Variants in LAMC2 observed in about 807,000 individuals in gnomAD.
The protein encoded by LAMC2 is laminin subunit gamma 2.
Under a neutral mutation model 140.2 loss-of-function variants are expected in LAMC2, and 97 were observed. The observed-to-expected ratio is 0.69, with a 90% confidence interval of 0.59 to 0.82. The LOEUF (loss-of-function observed/expected upper bound fraction) is 0.82. Ranked by LOEUF, LAMC2 falls within the 40% of genes least tolerant of loss-of-function variation. The probability of loss-of-function intolerance (pLI) is 0.00; values close to 1 mark genes in which losing one functional copy is unlikely to be tolerated. For missense variants in LAMC2, 1,402 were observed against 1,476.1 expected (o/e 0.95, Z 0.82); for synonymous variants, 513 against 540.2 (o/e 0.95, Z 0.70).
rs1553267625 is a variant in LAMC2 at position 183,239,461 on chromosome 1, G to C, written c.2967G>C (p.Lys989Asn). ...ISQKVSDASD[K>N]TQQAERALGS... ...AGAAGGTTTCAGATGCCAGTGACAA[G>C]ACCCAGCAAGCAGAAAGAGCCCTGG... The change falls in exon 20 of 23, where the codon AAG becomes AAC. Residue 989 changes from lysine (K) to asparagine (N), a missense_variant. By Grantham distance (94) the Lys-to-Asn change is moderately conservative. This residue lies in a region of LAMC2 where 670 missense variants were observed against 667.2 expected (regional missense o/e 1.00). Transcript: ENST00000264144. The C allele has an allele frequency of 7.4e-6, 12 of 1,614,156 alleles. No individual in the cohort carries two copies. Among genetic ancestry groups the C allele is most frequent in the Non-Finnish European group, 1.0e-5 (12 of 1,180,012 alleles).
chr1:183,243,360 C>T lies in LAMC2; in HGVS notation c.3542C>T (p.Pro1181Leu). ...TTGGAGAACATTAGGGACAACCTGCCCCCAGGCTGCTACAATACCCAGGCT... is the reference window on the plus strand; with the variant it reads ...TTGGAGAACATTAGGGACAACCTGCTCCCAGGCTGCTACAATACCCAGGCT... ...KNLENIRDNL[P>L]PGCYNTQALE... Residue 1181 changes from proline (P) to leucine (L), a missense_variant, in exon 23 of 23, where the codon CCC becomes CTC. Around this residue, in one of 3 missense-constraint regions of LAMC2, gnomAD observed 670 missense variants for 667.2 expected, o/e 1.00. Coordinates refer to ENST00000264144, the MANE Select transcript of LAMC2 (RefSeq NM_005562.3). 1 of 1,614,164 alleles carries T rather than the reference C, an allele frequency of 6.2e-7. No individual in the cohort carries two copies. Among genetic ancestry groups the T allele is most frequent in the South Asian group, 1.1e-5 (1 of 91,076 alleles).
intron 1 of LAMC2, among the ~76,000 whole-genome samples, chr1:183,188,618 A>G (rs546183): frequency 0.57 from 86,768 of 152,130 alleles, 25,507 homozygotes; most frequent in East Asian, 0.73. Context: ...AGTTTTTGAA[A>G]GGATGAACAA....
intron 1 of LAMC2, among the ~76,000 whole-genome samples, chr1:183,194,456 T>A (rs751065865): frequency 1.3e-5 from 2 of 152,088 alleles, no homozygotes; most frequent in Non-Finnish European, 2.9e-5. Context: ...CCTAATCTCC[T>A]TGTACAAAAA....
chr1:183,232,645 C>T lies in LAMC2; in HGVS notation c.2015-7C>T, dbSNP rs200123962. 6.8e-6 allele frequency: 11 copies of T among 1,611,368 alleles called. No individual in the cohort carries two copies. The highest frequency in any genetic ancestry group is 1.3e-5 in the African/African-American group (1 of 74,942). On this transcript the variant is annotated splice_polypyrimidine_tract_variant and splice_region_variant and intron_variant, in intron 13 of 22. Coordinates refer to ENST00000264144, the MANE Select transcript of LAMC2 (RefSeq NM_005562.3). ...TGCTCATGCTCCCTTTCCTTCTTTG[C>T]GTTCAGGTGCTAGCAGATCCCTTGG...
At chr1:183,235,267 G>C (rs182074595) in intron 15 of LAMC2, among the ~76,000 whole-genome samples, 2 of 152,160 alleles carry the variant, frequency 1.3e-5, no homozygotes, top group African/African-American at 4.8e-5. Context: ...GCAGCAAACA[G>C]CTTACAGATG....
At chr1:183,195,787 A>AATGATGTTTAATGTG (rs1658493315) in intron 1 of LAMC2, among the ~76,000 whole-genome samples, 1 of 150,214 alleles carries the variant, frequency 6.7e-6, no homozygotes, top group Non-Finnish European at 1.5e-5. Context: ...CACATTAAAC[A>AATGATGTTTAATGTG]ATGAAGTTCA....
the LAMC2 span, chr1:183,252,838 G>T: frequency 1.2e-5 from 11 of 883,564 alleles, no homozygotes; most frequent in Admixed American, 1.9e-5. Context: ...CCCATTTGTA[G>T]CCTTTTCTCA....
intron 15 of LAMC2, among the ~76,000 whole-genome samples, chr1:183,235,128 G>T (rs1659913208): frequency 6.6e-6 from 1 of 152,182 alleles, no homozygotes; most frequent in Non-Finnish European, 1.5e-5. Context: ...GAACCAGGAG[G>T]AACCAAAAGT....
At chr1:183,220,519 C>T (rs1338731042) in intron 4 of LAMC2, among the ~76,000 whole-genome samples, 2 of 152,162 alleles carry the variant, frequency 1.3e-5, no homozygotes, top group Admixed American at 6.5e-5. Context: ...GCTCATCTGA[C>T]CACCACTCAA....
chr1:183,237,589 A>G, intron 18 of LAMC2, 85 bp downstream of exon 18: 2 of 1,313,042 alleles, frequency 1.5e-6, no homozygotes, highest in Non-Finnish European at 2.2e-6. Context: ...AATAATCAAA[A>G]GCTCTCTGAC....
At chr1:183,246,302 G>A (rs1344405761), downstream of LAMC2, among the ~76,000 whole-genome samples, 1 of 152,140 alleles carries the variant, frequency 6.6e-6, no homozygotes, top group East Asian at 1.9e-4. Context: ...TCATTTCTAA[G>A]GACCTGAAAA....
chr1:183,238,360 A>C lies in LAMC2; in HGVS notation c.2808A>C (p.Glu936Asp). The C allele has an allele frequency of 6.2e-7, 1 of 1,614,150 alleles. No homozygotes were observed. ...RANLAKSRAQ[E>D]ALSMGNATFY... is the part of the protein sequence containing the mutation. ...ATCTTGCTAAAAGCAGAGCACAAGA[A>C]GCACTGAGTATGGGCAATGCCACTT... The change falls in exon 19 of 23, where the codon GAA becomes GAC. Residue 936 changes from glutamate (E) to aspartate (D), a missense_variant. By Grantham distance (45) the Glu-to-Asp change is conservative. Transcript: ENST00000264144.
At position 183,195,794 on chromosome 1, in the gene LAMC2, T is replaced by TTTAATGTGA. The variant is rs201226049; in HGVS notation, c.79+9364_79+9365insTAATGTGAT. Reference sequence around the variant, plus strand: ...GATATTCACACATTAAACAATGAAGTTCAAGGCCAGTTTAAATGATGAAGG... The same window carrying TTTAATGTGA: ...GATATTCACACATTAAACAATGAAGTTTAATGTGATCAAGGCCAGTTTAAATGATGAAGG... On this transcript the variant is annotated intron_variant, in intron 1 of 22. Transcript: ENST00000264144. Among the ~76,000 whole-genome samples the TTTAATGTGA allele has an allele frequency of 5.2e-5, 4 of 77,386 alleles. No individual in the cohort carries two copies. The South Asian group carries it at 1.1e-3, about 22-fold the overall frequency. 50.8% of individuals were successfully genotyped at this position (77,386 alleles called of 152,430 possible). A position where few individuals can be genotyped will look rare whatever the true frequency, so the allele number is the denominator to read the frequency against.
chr1:183,216,033 C>A (rs74951797), intron 3 of LAMC2, among the ~76,000 whole-genome samples: 2,418 of 152,274 alleles, frequency 0.016, 28 homozygotes, highest in Admixed American at 0.023. Context: ...TGTATCCCTG[C>A]TCGGATATTT....
In LAMC2 at chr1:183,238,317, A is replaced by G. The variant is rs1311377059; in HGVS notation, c.2765A>G (p.Gln922Arg). ...NGKSGREKSDQLLSRANLAKS... is the reference protein window; with the variant it reads ...NGKSGREKSDRLLSRANLAKS... ...TCTGCCTTTTTACAGAAATCAGATC[A>G]GCTGCTTTCCCGTGCCAATCTTGCT... The change falls in exon 19 of 23, where the codon CAG becomes CGG. Residue 922 changes from glutamine (Q) to arginine (R), a missense_variant. Physicochemically the swap from Gln to Arg is conservative, Grantham distance 43. Transcript: ENST00000264144. 1.2e-6 allele frequency: 2 copies of G among 1,613,492 alleles called. No homozygotes were observed. Among genetic ancestry groups the G allele is most frequent in the Admixed American group, 3.3e-5 (2 of 59,998 alleles).
downstream of LAMC2, chr1:183,250,099 C>T (rs1194287596): frequency 6.6e-6 from 1 of 152,238 alleles, no homozygotes; most frequent in Non-Finnish European, 1.5e-5. Flanking sequence ...CCATAAATTC[C>T]ATCCATAACT....
chr1:183,223,443 C>T lies in LAMC2; in HGVS notation c.953+119C>T, dbSNP rs770623727. ...AACAAGCCTTTCTGAGCACCTTTTA[C>T]GTACCATGAAGGTTGCTATGTGCTG... On this transcript the variant is annotated intron_variant, in intron 7 of 22. Transcript: ENST00000264144. The T allele has an allele frequency of 1.0e-4, 95 of 949,202 alleles. 1 individual carries two copies. Among genetic ancestry groups the T allele is most frequent in the South Asian group, 2.9e-5 (2 of 69,350 alleles). 58.8% of individuals were successfully genotyped at this position (949,202 alleles called of 1,614,324 possible). A position where few individuals can be genotyped will look rare whatever the true frequency, so the allele number is the denominator to read the frequency against.
At chr1:183,247,138 C>G (rs1019384777), downstream of LAMC2, among the ~76,000 whole-genome samples, 13 of 152,062 alleles carry the variant, frequency 8.5e-5, no homozygotes, top group Admixed American at 3.3e-4. Flanking sequence ...ATGGCGAAAC[C>G]CTGTCTCTAC....
rs773535407 is a variant in LAMC2 at position 183,228,476 on chromosome 1, A to G, written c.1571A>G (p.Asp524Gly). 1 of 1,613,548 alleles carries G rather than the reference A, an allele frequency of 6.2e-7. No individual in the cohort carries two copies. The highest frequency in any genetic ancestry group is 8.5e-7 in the Non-Finnish European group (1 of 1,179,960). The change falls in exon 11 of 23, where the codon GAC becomes GGC. Residue 524 changes from aspartate to glycine, a missense_variant. Physicochemically the swap from Asp to Gly is moderately conservative, Grantham distance 94. Around this residue, in one of 3 missense-constraint regions of LAMC2, gnomAD observed 723 missense variants for 783.3 expected, o/e 0.92. Transcript: ENST00000264144. The surrounding 1 kb of genome is among the most constrained non-coding windows in gnomAD (Gnocchi z 4.3). ...CQPCQCNNNV[D>G]PSASGNCDRL... ...CCCTGTCAATGCAACAACAATGTGG[A>G]CCCCAGTGCCTCTGGGAATTGTGAC...
Sources: allele counts gnomAD v4.1 joint callset (sites outside exome capture counted in the v4.1 genomes callset), GRCh38; gene constraint gnomAD v4.1.1; regional missense constraint gnomAD v4.1.1; non-coding constraint Gnocchi (gnomAD v3.1); transcripts MANE v1.5; gene names NCBI Gene and HGNC (gene_info 2026-07-23, HGNC 2026-07-21).